NSUN4: variants seen among roughly 807,000 people sequenced by gnomAD.
NSUN4 encodes 5-cytosine rRNA methyltransferase NSUN4.
A neutral mutation model predicts 43.8 loss-of-function variants in NSUN4; 31 were observed. The observed-to-expected ratio is 0.71, with a 90% CI of 0.53 to 0.96. The LOEUF (loss-of-function observed/expected upper bound fraction) is 0.96, where lower values mean the gene tolerates loss of function less well. Ranked by LOEUF, NSUN4 falls within the 40% of genes least tolerant of loss-of-function variation. The pLI is 0.00. For missense variants in NSUN4, 439 were observed against 475.6 expected, an observed-to-expected ratio of 0.92 and a Z score of 0.72; for synonymous variants, 167 against 184.1, an observed-to-expected ratio of 0.91 and a Z score of 0.75.
In NSUN4 at chr1:46,361,627, C is replaced by T; in HGVS notation, c.936C>T (p.Leu312=). The change falls in exon 6 of 6, where the codon CTC becomes CTT. Residue 312 remains leucine (L), a synonymous_variant. Transcript: ENST00000474844. ...GGHVVYSTCS[L]SHLQNEYVVQ... is the part of the protein sequence containing the mutation. ...ATGTTGTCTATTCTACCTGCTCACT[C>T]TCACACTTACAGAACGAGTATGTGG... 1 of 1,614,216 alleles carries T rather than the reference C, an allele frequency of 6.2e-7. No homozygotes were observed. The highest frequency in any genetic ancestry group is 1.3e-5 in the African/African-American group (1 of 75,048).
At chr1:46,372,356 G>C in the NSUN4 span, among the ~76,000 whole-genome samples, 1 of 151,472 alleles carries the variant, frequency 6.6e-6, no homozygotes, top group Non-Finnish European at 1.5e-5. Context: ...TGTTAGCCAG[G>C]ATGGTCTCGC....
chr1:46,369,979 G>A (rs1282015564), downstream of NSUN4, among the ~76,000 whole-genome samples: 1 of 152,236 alleles, frequency 6.6e-6, no homozygotes, highest in African/African-American at 2.4e-5. Flanking sequence ...GCTTCTGAAA[G>A]TCAGTCCTGT....
chr1:46,374,027 CTG>C, the NSUN4 span, among the ~76,000 whole-genome samples: 60 of 152,268 alleles, frequency 3.9e-4, 1 homozygote, highest in Admixed American at 1.2e-3. Context: ...TGGCTCACAC[CTG>C]TAATCCCAGC....
At position 46,344,790 on chromosome 1, in the gene NSUN4, C is replaced by T. The variant is rs372992048; in HGVS notation, c.94-11C>T. On this transcript the variant is annotated splice_polypyrimidine_tract_variant and intron_variant, in intron 1 of 5. Coordinates refer to ENST00000474844, the MANE Select transcript of NSUN4 (RefSeq NM_199044.4). Reference sequence around the variant, plus strand: ...CTGGGAAAACCAATAAGCCTGTCCTCTCTCTTTTAGGCTGCCACAGAGCCC... The same window carrying T: ...CTGGGAAAACCAATAAGCCTGTCCTTTCTCTTTTAGGCTGCCACAGAGCCC... 6.2e-7 allele frequency: 1 copy of T among 1,609,576 alleles called. No homozygotes were observed. The highest frequency in any genetic ancestry group is 8.5e-7 in the Non-Finnish European group (1 of 1,177,060).
downstream of NSUN4, among the ~76,000 whole-genome samples, chr1:46,366,524 C>A (rs2148429094): frequency 6.6e-6 from 1 of 151,822 alleles, no homozygotes; most frequent in South Asian, 2.1e-4. Context: ...ATGATTAATT[C>A]AATTTTGTAC....
At chr1:46,374,289 CAAAAAAA>C in the NSUN4 span, among the ~76,000 whole-genome samples, 2 of 42,912 alleles carry the variant, frequency 4.7e-5, no homozygotes, top group African/African-American at 9.6e-5. Context: ...TCTGTCTCAC[CAAAAAAA>C]AAAAAAAAAA....
rs1663912396 is a variant in NSUN4, at chr1:46,361,960, T to C, written c.*114T>C. 9 of 969,320 alleles carry C rather than the reference T, an allele frequency of 9.3e-6. No homozygotes were observed. The highest frequency in any genetic ancestry group is 1.4e-5 in the Non-Finnish European group (9 of 661,270). The allele number at this position is 969,320 out of a possible 1,614,324, so 60.0% of individuals were successfully genotyped here. On this transcript the variant is annotated 3_prime_UTR_variant, in exon 6 of 6. Coordinates refer to ENST00000474844, the MANE Select transcript of NSUN4 (RefSeq NM_199044.4). Reference sequence around the variant, plus strand: ...ACTCTCGGTCCTGTCTCCATCCTGTTCGTGTCTTTCTGCAGTTTTCGGCAA... The same window carrying C: ...ACTCTCGGTCCTGTCTCCATCCTGTCCGTGTCTTTCTGCAGTTTTCGGCAA...
intron 4 of NSUN4, among the ~76,000 whole-genome samples, chr1:46,354,042 A>G (rs1033897439): frequency 1.3e-5 from 2 of 152,146 alleles, no homozygotes; most frequent in African/African-American, 4.8e-5. Context: ...TTTTTTGCCA[A>G]ATGGATAGTA....
At chr1:46,366,704 CAAAAAAAA>C (rs34437222), downstream of NSUN4, among the ~76,000 whole-genome samples, 14 of 59,412 alleles carry the variant, frequency 2.4e-4, no homozygotes, top group Non-Finnish European at 2.8e-4. Flanking sequence ...ACTAAAAATA[CAAAAAAAA>C]AAAAAAAAAA....
At chr1:46,341,213 C>T (rs770437929) in intron 1 of NSUN4, 1 of 1,146,636 alleles carries the variant, frequency 8.7e-7, no homozygotes, top group Non-Finnish European at 1.1e-6. Context: ...CAGCTGTGTC[C>T]ACCTACCTTT....
chr1:46,359,231 G>A (rs1663624667), intron 4 of NSUN4, among the ~76,000 whole-genome samples: 1 of 152,080 alleles, frequency 6.6e-6, no homozygotes, highest in African/African-American at 2.4e-5. Flanking sequence ...TTGTGCTCCA[G>A]CCTGGGTGAC....
At chr1:46,382,523 A>G in the NSUN4 span, among the ~76,000 whole-genome samples, 1 of 152,338 alleles carries the variant, frequency 6.6e-6, no homozygotes, top group East Asian at 1.9e-4. Context: ...CTTAATTTAT[A>G]AACATCAGTT....
the NSUN4 span, among the ~76,000 whole-genome samples, chr1:46,372,922 T>C: frequency 6.6e-6 from 1 of 152,184 alleles, no homozygotes; most frequent in South Asian, 2.1e-4. Context: ...GGTTTCGCCA[T>C]GTTGGCCAGG....
the NSUN4 span, among the ~76,000 whole-genome samples, chr1:46,384,478 G>T: frequency 6.6e-6 from 1 of 152,178 alleles, no homozygotes; most frequent in Non-Finnish European, 1.5e-5. Flanking sequence ...ACCCATTACG[G>T]CTGTGAGGGA....
At chr1:46,348,720 A>AG (rs1351859879) in intron 3 of NSUN4, among the ~76,000 whole-genome samples, 1 of 150,296 alleles carries the variant, frequency 6.7e-6, no homozygotes, top group East Asian at 1.9e-4. Context: ...AAAAAAAAAA[A>AG]AAAAAAAAAA....
intron 4 of NSUN4, among the ~76,000 whole-genome samples, chr1:46,357,961 T>C (rs1289673686): frequency 6.6e-6 from 1 of 152,210 alleles, no homozygotes; most frequent in Non-Finnish European, 1.5e-5. Flanking sequence ...GTTGTCCAAG[T>C]TGGAGTACAG....
chr1:46,368,500 A>C (rs1259072325), downstream of NSUN4, among the ~76,000 whole-genome samples: 1 of 152,116 alleles, frequency 6.6e-6, no homozygotes, highest in Non-Finnish European at 1.5e-5. Context: ...GCCTGGACCA[A>C]TCTGCTGGAG....
chr1:46,372,653 C>T, the NSUN4 span, among the ~76,000 whole-genome samples: 7 of 152,214 alleles, frequency 4.6e-5, no homozygotes, highest in African/African-American at 1.7e-4. Context: ...CTCTTCAATT[C>T]TGCATTCCAT....
chr1:46,348,348 A>AT (rs1290477876), intron 3 of NSUN4, among the ~76,000 whole-genome samples: 1 of 152,086 alleles, frequency 6.6e-6, no homozygotes, highest in Non-Finnish European at 1.5e-5. Context: ...CTCCCACAGC[A>AT]TGGGTATCGC....
Sources: allele counts gnomAD v4.1 joint callset (sites outside exome capture counted in the v4.1 genomes callset), GRCh38; gene constraint gnomAD v4.1.1; transcripts MANE v1.5; gene names NCBI Gene and HGNC (gene_info 2026-07-23, HGNC 2026-07-21).